Variants in EBPL observed in about 807,000 individuals in gnomAD.
EBPL encodes emopamil-binding protein-like.
In EBPL, 20 loss-of-function variants were observed where a neutral mutation model predicts 19.0. That is an observed-to-expected ratio of 1.05 (90% CI 0.74 to 1.53). The LOEUF (loss-of-function observed/expected upper bound fraction) is 1.53. Ranked by LOEUF, EBPL falls within the 40% of genes most tolerant of loss-of-function variation. The pLI, the probability that EBPL is intolerant of heterozygous loss-of-function variation, is 0.00. For missense variants in EBPL, 219 were observed against 261.1 expected (o/e 0.84, Z 1.11); for synonymous variants, 107 against 117.0 (o/e 0.91, Z 0.55).
At chr13:49,663,753 T>C (rs1036158212) in intron 2 of EBPL, among the ~76,000 whole-genome samples, 5 of 145,906 alleles carry the variant, frequency 3.4e-5, no homozygotes, top group East Asian at 2.1e-4. Context: ...CTGGCCAACA[T>C]GGTGAAACCC....
chr13:49,669,899 T>A, intron 1 of EBPL, 53 bp from the exon 2 acceptor site: 1 of 1,442,684 alleles, frequency 6.9e-7, no homozygotes, highest in Non-Finnish European at 9.7e-7. Context: ...AACCACAGGA[T>A]GGCACTGTAG....
rs148793259 is a variant in EBPL, at chr13:49,687,122, C to A, written c.171+4132G>T. Among the ~76,000 whole-genome samples, 595 of 152,248 alleles carry A rather than the reference C, an allele frequency of 3.9e-3. 5 individuals are homozygous for A. The highest frequency in any genetic ancestry group is 0.011 in the African/African-American group (451 of 41,524). On this transcript the variant is annotated intron_variant, in intron 1 of 3. Coordinates refer to ENST00000242827, the MANE Select transcript of EBPL (RefSeq NM_032565.5). ...AGCACTATTCTCTCTTAACTGCACA[C>A]GAGGACCCCCGACTCATAGTTCTAA...
intron 1 of EBPL, among the ~76,000 whole-genome samples, chr13:49,674,822 C>T (rs1022742448): frequency 5.3e-5 from 8 of 152,162 alleles, no homozygotes; most frequent in Admixed American, 1.3e-4. Flanking sequence ...CCCGTGGGTC[C>T]AGCTTTTGCC....
chr13:49,662,324 T>G (rs1278734849), intron 3 of EBPL, among the ~76,000 whole-genome samples: 1 of 152,138 alleles, frequency 6.6e-6, no homozygotes, highest in East Asian at 1.9e-4. Flanking sequence ...CCCATATCCT[T>G]CACAATCTGC....
chr13:49,665,575 T>C (rs1965213958), intron 2 of EBPL, among the ~76,000 whole-genome samples: 1 of 152,044 alleles, frequency 6.6e-6, no homozygotes, highest in Non-Finnish European at 1.5e-5. Context: ...CTGGCCTAAT[T>C]TTTGTATTTT....
Position 49,660,990 on chromosome 13 carries a change from C to A in EBPL, c.599G>T (p.Ser200Ile), listed in dbSNP as rs1231882369. 15 of 1,612,766 alleles carry A rather than the reference C, an allele frequency of 9.3e-6. No individual in the cohort carries two copies. Among genetic ancestry groups the A allele is most frequent in the Non-Finnish European group, 1.3e-5 (15 of 1,179,350 alleles). The change falls in exon 4 of 4, where the codon AGT becomes ATT. Residue 200 changes from serine (S) to isoleucine (I), a missense_variant. Coordinates refer to ENST00000242827, the MANE Select transcript of EBPL (RefSeq NM_032565.5). ...ELKKMHQKET[S>I]SVKKFQ Reference sequence around the variant, plus strand: ...AGTTCACTGAAACTTCTTCACTGAACTGGTTTCTTTCTGATGCATTTTCTT... The same window carrying A: ...AGTTCACTGAAACTTCTTCACTGAAATGGTTTCTTTCTGATGCATTTTCTT...
chr13:49,684,435 C>T (rs1378215990), intron 1 of EBPL, among the ~76,000 whole-genome samples: 1 of 152,240 alleles, frequency 6.6e-6, no homozygotes, highest in African/African-American at 2.4e-5. Context: ...CTCCGGGAGG[C>T]CGAGGCAGCT....
chr13:49,663,056 C>A lies in EBPL; in HGVS notation c.380+1G>T, dbSNP rs371466213. 2 of 1,613,484 alleles carry A rather than the reference C, an allele frequency of 1.2e-6. No homozygotes were observed. Among genetic ancestry groups the A allele is most frequent in the African/African-American group, 1.3e-5 (1 of 74,908 alleles). On this transcript the variant is annotated splice_donor_variant, in intron 3 of 3. Transcript: ENST00000242827. LOFTEE classifies it high-confidence loss of function. The stretch of plus-strand genomic sequence containing the variant: ...CAGCAGGACAGAAGAAGGGCACCTA[C>A]CGGTAATATTTTTCTTTGACTATGG...
At chr13:49,691,104 C>T in intron 1 of EBPL, 150 bp downstream of exon 1, 1 of 706,960 alleles carries the variant, frequency 1.4e-6, no homozygotes, top group East Asian at 3.8e-5. Flanking sequence ...GCCGCGGCCT[C>T]CAGGCGCCTC....
At chr13:49,661,327 G>A in intron 3 of EBPL, 119 bp from the exon 4 acceptor site, 1 of 812,906 alleles carries the variant, frequency 1.2e-6, no homozygotes, top group Non-Finnish European at 2.0e-6. Context: ...ACCGTCCTAA[G>A]TTGGGCCTCA....
At chr13:49,688,258 CA>C (rs1954020151) in intron 1 of EBPL, among the ~76,000 whole-genome samples, 1 of 152,162 alleles carries the variant, frequency 6.6e-6, no homozygotes, top group African/African-American at 2.4e-5. Context: ...CTGCTGTAGT[CA>C]TAACGAGCTG....
At chr13:49,678,580 G>A (rs1047013715) in intron 1 of EBPL, among the ~76,000 whole-genome samples, 6 of 152,158 alleles carry the variant, frequency 3.9e-5, no homozygotes, top group South Asian at 2.1e-4. Context: ...AACTGGGGCC[G>A]GCAGCACCCA....
At chr13:49,662,969 G>T in intron 3 of EBPL, 88 bp downstream of exon 3, 1 of 1,510,468 alleles carries the variant, frequency 6.6e-7, no homozygotes. Context: ...ACAAATATAT[G>T]TGGTCACAAC....
Position 49,691,342 on chromosome 13 carries a change from A to G in EBPL, c.83T>C (p.Leu28Pro). 1 of 1,366,182 alleles carries G rather than the reference A, an allele frequency of 7.3e-7. No individual in the cohort carries two copies. Among genetic ancestry groups the G allele is most frequent in the South Asian group, 1.9e-5 (1 of 53,168 alleles). 84.6% of individuals were successfully genotyped at this position (1,366,182 alleles called of 1,614,324 possible). Residue 28 changes from leucine (L) to proline (P), a missense_variant, in exon 1 of 4, where the codon CTG becomes CCG. Physicochemically the swap from Leu to Pro is moderately conservative, Grantham distance 98. Transcript: ENST00000242827. ...CAALLAAGCA[L>P]GLRLGRGQGA... ...CTGCCCGCGGCCCAGGCGCAGGCCC[A>G]GGGCGCAGCCCGCCGCCAGCAGCGC...
chr13:49,688,089 A>G (rs1157555453), intron 1 of EBPL, among the ~76,000 whole-genome samples: 1 of 152,218 alleles, frequency 6.6e-6, no homozygotes, highest in Non-Finnish European at 1.5e-5. Context: ...CCATGCCTGA[A>G]TGCTATACAT....
chr13:49,670,161 T>C (rs1017305579), intron 1 of EBPL, among the ~76,000 whole-genome samples: 15 of 152,316 alleles, frequency 9.8e-5, no homozygotes, highest in African/African-American at 3.1e-4. Flanking sequence ...CTGTATTAAA[T>C]AGAGTAAGCT....
chr13:49,667,860 A>G (rs1953755732), intron 2 of EBPL, among the ~76,000 whole-genome samples: 1 of 152,198 alleles, frequency 6.6e-6, no homozygotes, highest in East Asian at 1.9e-4. Flanking sequence ...TTTGCATTTC[A>G]TGGGATTGAG....
Position 49,669,756 on chromosome 13 carries a change from CA to C in EBPL, c.241+20del. ...TAAACCTCCTCCAACATTTCAAACG[CA>C]AACGTTTTTAATTACTTACATAAAG... is the stretch of plus-strand genomic sequence containing the variant. On this transcript the variant is annotated intron_variant, in intron 2 of 3. Coordinates refer to ENST00000242827, the MANE Select transcript of EBPL (RefSeq NM_032565.5). 6.2e-7 allele frequency: 1 copy of C among 1,611,348 alleles called. No homozygotes were observed.
chr13:49,678,863 T>C (rs1026061644), intron 1 of EBPL, among the ~76,000 whole-genome samples: 1 of 151,412 alleles, frequency 6.6e-6, no homozygotes, highest in East Asian at 2.0e-4. Context: ...AAATAAAAAT[T>C]AGTCAGGCAT....
Sources: allele counts gnomAD v4.1 joint callset (sites outside exome capture counted in the v4.1 genomes callset), GRCh38; gene constraint gnomAD v4.1.1; transcripts MANE v1.5; gene names NCBI Gene and HGNC (gene_info 2026-07-23, HGNC 2026-07-21).